The following TLN2 variants were observed in gnomAD, a reference collection of about 807,000 sequenced individuals.
The protein encoded by TLN2 is talin-2.
In TLN2, 118 loss-of-function variants were observed where a neutral mutation model predicts 294.7. The ratio of observed to expected loss-of-function variants is 0.40; its 90% CI spans 0.34 to 0.47. The LOEUF is 0.47. Ranked by LOEUF, TLN2 falls within the 20% of genes least tolerant of loss-of-function variation. The probability of loss-of-function intolerance (pLI) is 0.84; values close to 1 mark genes in which losing one functional copy is unlikely to be tolerated. For synonymous variants in TLN2, 1,431 were observed against 1,304.5 expected, an observed-to-expected ratio of 1.10 and a Z score of -2.09; for missense variants, 3,083 against 3,282.2, an observed-to-expected ratio of 0.94 and a Z score of 1.48.
chr15:62,433,180 C>T (rs2035101826), intron 1 of TLN2, among the ~76,000 whole-genome samples: 1 of 152,160 alleles, frequency 6.6e-6, no homozygotes, highest in African/African-American at 2.4e-5. Context: ...GCAGCCCTGA[C>T]AGGGCTCCAG....
At chr15:62,655,178 G>A (rs982557458) in intron 7 of TLN2, among the ~76,000 whole-genome samples, 1 of 152,002 alleles carries the variant, frequency 6.6e-6, no homozygotes, top group Non-Finnish European at 1.5e-5. Flanking sequence ...ACTCTCCCAG[G>A]TACTGTGGGA....
chr15:62,502,948 T>G (rs2039384746), intron 1 of TLN2, among the ~76,000 whole-genome samples: 2 of 152,302 alleles, frequency 1.3e-5, no homozygotes, highest in African/African-American at 4.8e-5. Flanking sequence ...AACAGCTTTG[T>G]GAAGCCTGCA....
At chr15:62,550,384 C>G (rs1275977657) in intron 1 of TLN2, among the ~76,000 whole-genome samples, 1 of 152,176 alleles carries the variant, frequency 6.6e-6, no homozygotes, top group Non-Finnish European at 1.5e-5. Flanking sequence ...AAGTGCAATT[C>G]TTAGTCTGCA....
At chr15:62,824,015 T>C (rs771043955) in intron 54 of TLN2, 1 of 529,806 alleles carries the variant, frequency 1.9e-6, no homozygotes, top group South Asian at 1.4e-5. Flanking sequence ...CAACTATATA[T>C]CAAACATATT....
At chr15:62,509,693 G>A (rs1449078010) in intron 1 of TLN2, among the ~76,000 whole-genome samples, 1 of 152,166 alleles carries the variant, frequency 6.6e-6, no homozygotes, top group Non-Finnish European at 1.5e-5. Flanking sequence ...GGAGGAGAGG[G>A]GCTTTCGGGG....
At chr15:62,437,857 A>G (rs192784111) in intron 1 of TLN2, among the ~76,000 whole-genome samples, 25 of 152,250 alleles carry the variant, frequency 1.6e-4, no homozygotes, top group Middle Eastern at 3.4e-3. Context: ...GGTTAATAGC[A>G]TCTGCAAAAA....
intron 12 of TLN2, among the ~76,000 whole-genome samples, chr15:62,690,749 G>A (rs1455639416): frequency 8.0e-5 from 12 of 150,626 alleles, no homozygotes; most frequent in African/African-American, 2.5e-4. Context: ...ACCAGACTCC[G>A]TCTGCAATCC....
chr15:62,444,496 G>A (rs2035715539), intron 1 of TLN2, among the ~76,000 whole-genome samples: 1 of 152,234 alleles, frequency 6.6e-6, no homozygotes, highest in African/African-American at 2.4e-5. Flanking sequence ...TGAAGATTTT[G>A]AATTGGTCCA....
intron 28 of TLN2, among the ~76,000 whole-genome samples, chr15:62,735,069 A>G (rs1337393489): frequency 3.3e-5 from 5 of 152,226 alleles, no homozygotes; most frequent in African/African-American, 9.6e-5. Flanking sequence ...AAGGGCTCAT[A>G]GTTCTCTACT....
At chr15:62,581,174 C>T (rs930850205) in intron 1 of TLN2, among the ~76,000 whole-genome samples, 19 of 152,176 alleles carry the variant, frequency 1.2e-4, no homozygotes, top group African/African-American at 4.1e-4. Context: ...GACACCGCGC[C>T]CGGCCCAACC....
intron 1 of TLN2, among the ~76,000 whole-genome samples, chr15:62,500,213 C>T (rs1203766243): frequency 6.6e-6 from 1 of 152,082 alleles, no homozygotes; most frequent in Non-Finnish European, 1.5e-5. Context: ...TGGCGCATGC[C>T]TGTAGTCCCA....
chr15:62,792,891 G>A (rs1451892163), intron 46 of TLN2, 104 bp downstream of exon 46: 12 of 1,507,410 alleles, frequency 8.0e-6, no homozygotes, highest in Admixed American at 2.2e-5. Flanking sequence ...AACTAACCCA[G>A]CTGACTCAGC....
At chr15:62,555,235 T>G (rs1350935634) in intron 1 of TLN2, among the ~76,000 whole-genome samples, 1 of 152,216 alleles carries the variant, frequency 6.6e-6, no homozygotes, top group African/African-American at 2.4e-5. Flanking sequence ...GTTCCTTTCT[T>G]AATTTTATTC....
At chr15:62,722,156 T>A (rs925637405) in intron 25 of TLN2, among the ~76,000 whole-genome samples, 197 bp from the exon 26 acceptor site, 22 of 152,162 alleles carry the variant, frequency 1.4e-4, no homozygotes, top group Non-Finnish European at 2.2e-4. Context: ...TTTCTTTTTT[T>A]AAACATTCCT....
intron 45 of TLN2, among the ~76,000 whole-genome samples, chr15:62,792,031 G>A (rs1408773659): frequency 2.0e-5 from 3 of 152,136 alleles, no homozygotes; most frequent in African/African-American, 7.2e-5. Flanking sequence ...CCTTTTAAAG[G>A]AAACCTCAAA....
Position 62,831,021 on chromosome 15 carries a change from CTAT to C in TLN2, c.7003-2477_7003-2475del, listed in dbSNP as rs199595802. 877 of 142,690 alleles carry C rather than the reference CTAT, an allele frequency of 6.1e-3. 7 individuals carry two copies. The highest frequency in any genetic ancestry group is 0.02 in the African/African-American group (774 of 39,348). 8.8% of individuals were successfully genotyped at this position (142,690 alleles called of 1,614,324 possible). The stretch of plus-strand genomic sequence containing the variant: ...TCAAAAATATTTCCAAGTTGAATAT[CTAT>C]TATTACAAGCTTGTGTTTAAAAAAA... On this transcript the variant is annotated intron_variant, in intron 54 of 58. Coordinates refer to ENST00000636159, the MANE Select transcript of TLN2 (RefSeq NM_015059.3).
chr15:62,517,713 A>G (rs1468647237), intron 1 of TLN2, among the ~76,000 whole-genome samples: 1 of 152,238 alleles, frequency 6.6e-6, no homozygotes, highest in East Asian at 1.9e-4. Flanking sequence ...GGCTTACCAC[A>G]TTACCCACTT....
chr15:62,537,895 C>T (rs1374815022), intron 1 of TLN2, among the ~76,000 whole-genome samples: 1 of 152,178 alleles, frequency 6.6e-6, no homozygotes, highest in African/African-American at 2.4e-5. Flanking sequence ...TTCCCTCATT[C>T]TGCCACAGTG....
chr15:62,506,113 C>A (rs1228432586), intron 1 of TLN2, among the ~76,000 whole-genome samples: 1 of 152,150 alleles, frequency 6.6e-6, no homozygotes, highest in African/African-American at 2.4e-5. Context: ...TACAAGTTTC[C>A]TGTTAATTTT....
Sources: gnomAD v4.1 joint callset for allele counts (sites outside exome capture counted in the v4.1 genomes callset) on GRCh38, gnomAD v4.1.1 for gene constraint, MANE v1.5 for transcripts, NCBI Gene and HGNC (gene_info 2026-07-23, HGNC 2026-07-21) for gene names.